The following F8 variants were observed in gnomAD, a reference collection of about 807,000 sequenced individuals.
F8 encodes antihemophilic factor.
A neutral mutation model predicts 140.6 loss-of-function variants in F8; 12 were observed. The observed-to-expected ratio is 0.09, with a 90% CI of 0.05 to 0.14. The LOEUF (loss-of-function observed/expected upper bound fraction) is 0.14, where lower values mean the gene tolerates loss of function less well. Ranked by LOEUF, F8 falls within the 10% of genes least tolerant of loss-of-function variation. The pLI is 1.00. For missense variants in F8, 1,354 were observed against 1,720.7 expected, an observed-to-expected ratio of 0.79 and a Z score of 3.77; for synonymous variants, 585 against 614.6, an observed-to-expected ratio of 0.95 and a Z score of 0.71.
intron 25 of F8, among the ~76,000 whole-genome samples, chrX:154,843,830 A>G (rs2072541897): frequency 9.0e-6 from 1 of 111,532 alleles, no homozygotes; most frequent in Non-Finnish European, 1.9e-5. Context: ...TTTTGTTGCC[A>G]TTGCTTTTGG....
In F8 at chrX:154,954,000, C is replaced by T. The variant is rs781952151; in HGVS notation, c.1795G>A (p.Asp599Asn). Residue 599 changes from aspartate to asparagine, a missense_variant, in exon 12 of 26, where the codon GAT becomes AAT. Physicochemically the swap from Asp to Asn is conservative, Grantham distance 23 (BLOSUM62 1). This residue lies in a region of F8 where 252 missense variants were observed against 338.5 expected (regional missense o/e 0.74). Transcript: ENST00000360256. ...GTGAGGTACCAGCTTCGGTTCTCAT[C>T]AAATACAGAAAACAGGATGACATTC... is the stretch of plus-strand genomic sequence containing the variant. ...KRNVILFSVF[D>N]ENRSWYLTEN... 9.1e-6 allele frequency: 11 copies of T among 1,209,354 alleles called. No individual in the cohort carries two copies. The Admixed American group carries it at 2.4e-4, about 26-fold the overall frequency.
chrX:154,895,959 T>C (rs1557275584), intron 22 of F8, 118 bp downstream of exon 22: 1 of 742,417 alleles, frequency 1.3e-6, no homozygotes, highest in Non-Finnish European at 2.1e-6. Context: ...TGCTCATAAG[T>C]GAAAAATTAT....
chrX:154,847,109 G>GC (rs2072573393), intron 25 of F8, among the ~76,000 whole-genome samples: 1 of 111,682 alleles, frequency 9.0e-6, no homozygotes, highest in Non-Finnish European at 1.9e-5. Context: ...TTGAATATTG[G>GC]CCCCCACTCT....
At chrX:154,846,168 T>C (rs2148559730) in intron 25 of F8, among the ~76,000 whole-genome samples, 1 of 112,318 alleles carries the variant, frequency 8.9e-6, no homozygotes, top group East Asian at 2.8e-4. Flanking sequence ...CAGTTTGTTA[T>C]AATTTCTGTT....
In F8 at chrX:154,931,042, A is replaced by G; in HGVS notation, c.2748T>C (p.Gly916=). 8.4e-7 allele frequency: 1 copy of G among 1,196,375 alleles called. No homozygotes were observed. The highest frequency in any genetic ancestry group is 1.1e-6 in the Non-Finnish European group (1 of 888,074). Residue 916 remains glycine, a synonymous_variant, in exon 14 of 26, where the codon GGT becomes GGC. Transcript: ENST00000360256. ...GTCCTAAGGAACTTGTATTATCAGTACCTGCTGCCAAATTGTCTGATGGAA... is the reference window on the plus strand; with the variant it reads ...GTCCTAAGGAACTTGTATTATCAGTGCCTGCTGCCAAATTGTCTGATGGAA... The part of the protein sequence containing the change: ...STIPSDNLAA[G]TDNTSSLGPP...
intron 14 of F8, among the ~76,000 whole-genome samples, chrX:154,920,413 T>C (rs782815894): frequency 4.2e-4 from 47 of 111,010 alleles, no homozygotes; most frequent in African/African-American, 1.4e-3. Context: ...TAATTTTTAT[T>C]GCATCCACAA....
At chrX:154,839,037 T>C (rs2148556276) in intron 25 of F8, among the ~76,000 whole-genome samples, 1 of 105,364 alleles carries the variant, frequency 9.5e-6, no homozygotes, top group African/African-American at 3.5e-5. Flanking sequence ...CCCAAGTCTC[T>C]GATCTGTTCT....
chrX:154,842,470 C>T (rs927406544), intron 25 of F8, among the ~76,000 whole-genome samples: 8 of 111,972 alleles, frequency 7.1e-5, no homozygotes, highest in Middle Eastern at 4.6e-3. Flanking sequence ...ATGTTTTTAA[C>T]GCTATACATT....
rs200722739 is a variant in F8, at chrX:154,966,028, T to C, written c.1385A>G (p.Gln462Arg). 1.7e-6 allele frequency: 2 copies of C among 1,209,757 alleles called. No homozygotes were observed. The highest frequency in any genetic ancestry group is 1.8e-5 in the South Asian group (1 of 56,688). Residue 462 changes from glutamine to arginine, a missense_variant, in exon 9 of 26, where the codon CAG (glutamine) becomes CGG (arginine). Gln to Arg is a conservative substitution (Grantham distance 43). This residue lies in a region of F8 where 252 missense variants were observed against 338.5 expected (regional missense o/e 0.74). Coordinates refer to ENST00000360256, the MANE Select transcript of F8 (RefSeq NM_000132.4). ...DETFKTREAIQHESGILGPLL... is the reference protein window; with the variant it reads ...DETFKTREAIRHESGILGPLL... ...AGGTCCCAAGATTCCTGATTCATGC[T>C]GAATAGCTTCACGAGTCTTAAAGGT...
At chrX:154,923,551 T>G (rs1022722222) in intron 14 of F8, among the ~76,000 whole-genome samples, 2 of 111,742 alleles carry the variant, frequency 1.8e-5, no homozygotes, top group Non-Finnish European at 3.8e-5. Flanking sequence ...AAAGAAGAGT[T>G]TTTGGCTGGG....
At chrX:154,873,379 C>T (rs1171085516) in intron 22 of F8, among the ~76,000 whole-genome samples, 1 of 110,214 alleles carries the variant, frequency 9.1e-6, no homozygotes, top group Non-Finnish European at 1.9e-5. Flanking sequence ...GGGCCTGCTA[C>T]CACACCTGGC....
At chrX:154,928,117 T>C (rs1367527264) in intron 14 of F8, among the ~76,000 whole-genome samples, 1 of 111,741 alleles carries the variant, frequency 8.9e-6, no homozygotes, top group African/African-American at 3.3e-5. Flanking sequence ...TCCATAAATA[T>C]TTGTGACTGA....
At chrX:154,970,343 C>T (rs1413465307) in intron 6 of F8, among the ~76,000 whole-genome samples, 1 of 111,669 alleles carries the variant, frequency 9.0e-6, no homozygotes, top group Non-Finnish European at 1.9e-5. Flanking sequence ...TGTTCAGATC[C>T]CACACTGGTA....
chrX:154,839,552 T>C (rs1482259415), intron 25 of F8, among the ~76,000 whole-genome samples: 10 of 109,783 alleles, frequency 9.1e-5, no homozygotes, highest in East Asian at 2.9e-4. Flanking sequence ...TTAGTAGAGA[T>C]GGGGTTTCAC....
chrX:154,860,078 C>G (rs782050733), intron 25 of F8, among the ~76,000 whole-genome samples: 63 of 111,398 alleles, frequency 5.7e-4, no homozygotes, highest in African/African-American at 2.0e-3. Flanking sequence ...GGTGATAAGA[C>G]TTTATGTCAT....
Position 154,929,224 on chromosome X carries a change from C to G in F8, c.4566G>C (p.Lys1522Asn). The change falls in exon 14 of 26, where the codon AAG (lysine) becomes AAC (asparagine). Residue 1522 changes from lysine (K) to asparagine (N), a missense_variant. Lys to Asn is a moderately conservative substitution (Grantham distance 94, BLOSUM62 0). Transcript: ENST00000360256. ...ELLPKVHIYQKDLFPTETSNG... is the reference protein window; with the variant it reads ...ELLPKVHIYQNDLFPTETSNG... ...TGCTAGTTTCCGTAGGGAATAGGTC[C>G]TTCTGATAAATGTGAACTTTTGGAA... is the stretch of plus-strand genomic sequence containing the variant. 1 of 1,211,642 alleles carries G rather than the reference C, an allele frequency of 8.3e-7. No individual in the cohort carries two copies. The highest frequency in any genetic ancestry group is 1.8e-5 in the South Asian group (1 of 56,987).
chrX:154,981,106 G>A (rs1557283509), intron 6 of F8, among the ~76,000 whole-genome samples: 4 of 111,600 alleles, frequency 3.6e-5, no homozygotes. Flanking sequence ...ATACGGGAGA[G>A]TTTTCCGGTG....
chrX:154,958,217 C>T (rs782635320), intron 10 of F8, among the ~76,000 whole-genome samples: 1 of 111,869 alleles, frequency 8.9e-6, no homozygotes, highest in African/African-American at 3.2e-5. Context: ...CAACTCTCCT[C>T]TCCCCATCAG....
intron 22 of F8, among the ~76,000 whole-genome samples, chrX:154,866,629 C>T (rs78327897): frequency 0.078 from 8,740 of 111,400 alleles, 288 homozygotes; most frequent in Non-Finnish European, 0.092. Flanking sequence ...CATTCTTGAA[C>T]GACCATTGGG....
Sources: allele counts gnomAD v4.1 joint callset (sites outside exome capture counted in the v4.1 genomes callset), GRCh38; gene constraint gnomAD v4.1.1; regional missense constraint gnomAD v4.1.1; transcripts MANE v1.5; gene names NCBI Gene and HGNC (gene_info 2026-07-23, HGNC 2026-07-21).